The following TUBB8B variants were observed in gnomAD, a reference collection of about 807,000 sequenced individuals.
The protein encoded by TUBB8B is tubulin beta 8B.
TUBB8B carries 26 observed loss-of-function variants against 31.9 expected under a neutral mutation model. That is an observed-to-expected ratio of 0.81 (90% CI 0.60 to 1.13). The LOEUF is 1.13. TUBB8B is among the 50% of genes most tolerant of loss of function. The pLI is 0.00. For missense variants in TUBB8B, 467 were observed against 586.7 expected (o/e 0.80, Z 2.11); for synonymous variants, 173 against 231.0 (o/e 0.75, Z 2.28).
At chr18:68,597 C>T in the TUBB8B span, among the ~76,000 whole-genome samples, 1 of 152,312 alleles carries the variant, frequency 6.6e-6, no homozygotes, top group African/African-American at 2.4e-5. Context: ...TTGCTCTCCT[C>T]AGTGCAACCC....
At position 47,684 on chromosome 18, in the gene TUBB8B, G is replaced by T. The variant is rs550960768; in HGVS notation, c.1041C>A (p.Asp347Glu). The T allele has an allele frequency of 4.3e-6, 7 of 1,612,214 alleles. No individual in the cohort carries two copies. In the South Asian group the frequency reaches 7.7e-5, roughly 18 times the overall value. Reference sequence around the variant, plus strand: ...TGTCACAGACGGCTGTTTTTACGTTGTCGGGGAACCAGTCAGCAAAGTAGC... The same window carrying T: ...TGTCACAGACGGCTGTTTTTACGTTTTCGGGGAACCAGTCAGCAAAGTAGC... The part of the protein sequence containing the change: ...NSSYFADWFP[D>E]NVKTAVCDIP... The change falls in exon 4 of 4, where the codon GAC (aspartate) becomes GAA (glutamate). Residue 347 changes from aspartate (D) to glutamate (E), a missense_variant. Asp to Glu is a conservative substitution (Grantham distance 45, BLOSUM62 2). Coordinates refer to ENST00000308911, the MANE Select transcript of TUBB8B (RefSeq NM_001358689.2).
rs1204415659 is a variant in TUBB8B at position 48,354 on chromosome 18, G to A, written c.371C>T (p.Ala124Val). ...ESVMDVVRKE[A>V]ESCDCLQGFQ... is the part of the protein sequence containing the mutation. ...ACCCTGCAGGCAGTCACAGCTCTCA[G>A]CCTCCTTTCTGACAACGTCCATCAC... is the stretch of plus-strand genomic sequence containing the variant. Residue 124 changes from alanine (A) to valine (V), a missense_variant, in exon 4 of 4, where the codon GCT becomes GTT. This residue lies in a region of TUBB8B where 259 missense variants were observed against 380.1 expected (regional missense o/e 0.68). Transcript: ENST00000308911. 1 of 1,611,202 alleles carries A rather than the reference G, an allele frequency of 6.2e-7. No individual in the cohort carries two copies. Among genetic ancestry groups the A allele is most frequent in the South Asian group, 1.1e-5 (1 of 91,008 alleles).
the TUBB8B span, among the ~76,000 whole-genome samples, chr18:62,514 G>A: frequency 1.3e-5 from 2 of 151,164 alleles, no homozygotes; most frequent in Non-Finnish European, 1.5e-5. Flanking sequence ...CGCCTCTTGG[G>A]TTCACGCCAT....
upstream of TUBB8B, chr18:50,092 A>G (rs1298883558): frequency 3.1e-5 from 11 of 356,482 alleles, no homozygotes; most frequent in Non-Finnish European, 5.0e-5. Context: ...GGAGATAGTC[A>G]GGCGTCTGAT....
chr18:58,249 G>C, the TUBB8B span, among the ~76,000 whole-genome samples: 1 of 150,080 alleles, frequency 6.7e-6, no homozygotes, highest in Non-Finnish European at 1.5e-5. Context: ...TTATTTTTCT[G>C]CCACATGACT....
At chr18:49,643 A>G (rs1471341563), upstream of TUBB8B, 5 of 730,646 alleles carry the variant, frequency 6.8e-6, no homozygotes, top group South Asian at 7.5e-5. Context: ...GCTAACGCTT[A>G]AATAGCCCCG....
At chr18:65,157 C>T in the TUBB8B span, among the ~76,000 whole-genome samples, 3 of 151,842 alleles carry the variant, frequency 2.0e-5, no homozygotes, top group Admixed American at 6.6e-5. Flanking sequence ...AAAAATTAGC[C>T]AGGTGTGGTG....
In TUBB8B at chr18:47,925, A is replaced by T. The variant is rs1200068678; in HGVS notation, c.800T>A (p.Met267Lys). The T allele has an allele frequency of 6.2e-7, 1 of 1,611,416 alleles. No individual in the cohort carries two copies. Among genetic ancestry groups the T allele is most frequent in the Non-Finnish European group, 8.5e-7 (1 of 1,179,848 alleles). The stretch of plus-strand genomic sequence containing the variant: ...GCTGGTCAGTGGGGCAAAGCCGGGC[A>T]TGAAGAAATGCAGCCGGGGAAACGG... The part of the protein sequence containing the change: ...MVPFPRLHFF[M>K]PGFAPLTSRG... The change falls in exon 4 of 4, where the codon ATG becomes AAG. Residue 267 changes from methionine to lysine, a missense_variant. This residue lies in a region of TUBB8B where 259 missense variants were observed against 380.1 expected (regional missense o/e 0.68). Coordinates refer to ENST00000308911, the MANE Select transcript of TUBB8B (RefSeq NM_001358689.2).
the TUBB8B span, among the ~76,000 whole-genome samples, chr18:60,175 CT>C: frequency 2.6e-5 from 4 of 151,556 alleles, no homozygotes; most frequent in African/African-American, 9.7e-5. Flanking sequence ...CGTTATTGGT[CT>C]GTTCAGGTTT....
At position 47,588 on chromosome 18, in the gene TUBB8B, T is replaced by A. The variant is rs75798436; in HGVS notation, c.1137A>T (p.Thr379=). 3 of 1,259,374 alleles carry A rather than the reference T, an allele frequency of 2.4e-6. No homozygotes were observed. Among genetic ancestry groups the A allele is most frequent in the South Asian group, 1.4e-5 (1 of 69,822 alleles). 78.0% of individuals were successfully genotyped at this position (1,259,374 alleles called of 1,614,324 possible). A position where few individuals can be genotyped will look rare whatever the true frequency, so the allele number is the denominator to read the frequency against. Residue 379 remains threonine (T), a synonymous_variant, in exon 4 of 4, where the codon ACA becomes ACT. Transcript: ENST00000308911. ...TTGCTGTAAACTGCTCTGAGACACA[T>A]GTGAAGAGTTCCTGGATGGCCGCAT... ...GNNAAIQELF[T]CVSEQFTAMF...
At chr18:67,013 A>G in the TUBB8B span, among the ~76,000 whole-genome samples, 2 of 131,770 alleles carry the variant, frequency 1.5e-5, no homozygotes, top group Non-Finnish European at 1.6e-5. Flanking sequence ...TTTTTTTTCC[A>G]GAAACGGAGT....
chr18:69,601 T>C, the TUBB8B span, among the ~76,000 whole-genome samples: 14,159 of 111,044 alleles, frequency 0.13, no homozygotes, highest in African/African-American at 0.26. Context: ...TACTGGAGAG[T>C]CAAGAAACTC....
chr18:54,567 A>C (rs149624564), upstream of TUBB8B, among the ~76,000 whole-genome samples: 682 of 151,890 alleles, frequency 4.5e-3, 8 homozygotes, highest in African/African-American at 0.015. Context: ...AACCACCCTT[A>C]TACTCTCTAT....
At chr18:62,521 C>T in the TUBB8B span, among the ~76,000 whole-genome samples, 3 of 151,102 alleles carry the variant, frequency 2.0e-5, no homozygotes, top group Non-Finnish European at 4.4e-5. Flanking sequence ...TGGGTTCACG[C>T]CATTCTCCTG....
chr18:65,324 C>T, the TUBB8B span, among the ~76,000 whole-genome samples: 1 of 151,886 alleles, frequency 6.6e-6, no homozygotes, highest in African/African-American at 2.4e-5. Context: ...AAAAAAAATG[C>T]TCAAGAAAAT....
upstream of TUBB8B, among the ~76,000 whole-genome samples, chr18:52,805 T>C (rs1906163042): frequency 1.3e-5 from 2 of 151,868 alleles, no homozygotes; most frequent in African/African-American, 2.4e-5. Flanking sequence ...AATGACTCCA[T>C]TACAGAGTTG....
chr18:62,470 G>A, the TUBB8B span, among the ~76,000 whole-genome samples: 1 of 149,318 alleles, frequency 6.7e-6, no homozygotes, highest in East Asian at 2.0e-4. Flanking sequence ...CCAGGCTGGA[G>A]TGCAATGGCG....
At chr18:52,932 C>T (rs1054998485), upstream of TUBB8B, among the ~76,000 whole-genome samples, 5 of 151,856 alleles carry the variant, frequency 3.3e-5, no homozygotes, top group Middle Eastern at 3.4e-3. Flanking sequence ...TCATTGAAGT[C>T]GGGGCTATTC....
the TUBB8B span, among the ~76,000 whole-genome samples, chr18:70,325 G>T: frequency 6.6e-6 from 1 of 151,960 alleles, no homozygotes; most frequent in Non-Finnish European, 1.5e-5. Context: ...GACCCTTAGA[G>T]ATCCCCATTA....
Sources: gnomAD v4.1 joint callset for allele counts (sites outside exome capture counted in the v4.1 genomes callset) on GRCh38, gnomAD v4.1.1 for gene constraint, gnomAD v4.1.1 regional missense constraint, MANE v1.5 for transcripts, NCBI Gene and HGNC (gene_info 2026-07-23, HGNC 2026-07-21) for gene names.